Variants in SENP8 observed in about 807,000 individuals in gnomAD.
The protein encoded by SENP8 is SUMO peptidase family member, NEDD8 specific.
In SENP8, 10 loss-of-function variants were observed where a neutral mutation model predicts 14.4. The observed-to-expected ratio is 0.69, with a 90% CI of 0.43 to 1.18. The LOEUF (loss-of-function observed/expected upper bound fraction) is 1.18, where lower values mean the gene tolerates loss of function less well. SENP8 is among the 50% of genes most tolerant of loss of function. SENP8 has a pLI of 0.00. For missense variants in SENP8, 202 were observed against 249.4 expected, an observed-to-expected ratio of 0.81 and a Z score of 1.28; for synonymous variants, 94 against 95.5, an observed-to-expected ratio of 0.98 and a Z score of 0.09.
upstream of SENP8, chr15:72,116,839 C>T (rs532974901): frequency 5.9e-5 from 9 of 152,314 alleles, no homozygotes; most frequent in East Asian, 1.7e-3. Flanking sequence ...GAGGTGCAGG[C>T]TCTGTGACCT....
At chr15:72,131,800 G>C (rs967243091) in intron 1 of SENP8, among the ~76,000 whole-genome samples, 5 of 152,160 alleles carry the variant, frequency 3.3e-5, no homozygotes, top group African/African-American at 1.2e-4. Flanking sequence ...CAAAGATAAA[G>C]CACAAGAGCA....
chr15:72,136,229 G>GA (rs1399913570), intron 1 of SENP8, among the ~76,000 whole-genome samples: 1 of 152,138 alleles, frequency 6.6e-6, no homozygotes. Flanking sequence ...AATCTCTTGA[G>GA]AAAAAACTAT....
chr15:72,123,606 T>C (rs2081186974), intron 1 of SENP8, among the ~76,000 whole-genome samples: 1 of 151,778 alleles, frequency 6.6e-6, no homozygotes, highest in South Asian at 2.1e-4. Context: ...AGTGGCGTGC[T>C]CTTGGCTCAC....
rs2081393283 is a variant in SENP8, at chr15:72,143,570, T to C, written c.*3308T>C. On this transcript the variant is annotated 3_prime_UTR_variant, in exon 2 of 2. Coordinates refer to ENST00000340912, the MANE Select transcript of SENP8 (RefSeq NM_145204.4). ...GCATCATTATATATATTACCATATA[T>C]ATAAAGTAACTTGTACATTTTTGAG... is the stretch of plus-strand genomic sequence containing the variant. 6.6e-6 allele frequency: 1 copy of C among 152,198 alleles called. No homozygotes were observed. Among genetic ancestry groups the C allele is most frequent in the African/African-American group, 2.4e-5 (1 of 41,440 alleles). 9.4% of individuals were successfully genotyped at this position (152,198 alleles called of 1,614,324 possible).
At chr15:72,138,968 A>G (rs1372443549) in intron 1 of SENP8, among the ~76,000 whole-genome samples, 2 of 151,162 alleles carry the variant, frequency 1.3e-5, no homozygotes, top group Non-Finnish European at 3.0e-5. Context: ...CCATCTCAAA[A>G]AAAAAAAAAA....
At chr15:72,117,528 C>T (rs2081038399), upstream of SENP8, among the ~76,000 whole-genome samples, 1 of 152,122 alleles carries the variant, frequency 6.6e-6, no homozygotes, top group Non-Finnish European at 1.5e-5. Context: ...GATCCGGGGC[C>T]GTGATCTGGT....
intron 1 of SENP8, among the ~76,000 whole-genome samples, chr15:72,129,320 A>G (rs2081248906): frequency 6.6e-6 from 1 of 152,030 alleles, no homozygotes; most frequent in Admixed American, 6.6e-5. Flanking sequence ...ACTGGAGCCA[A>G]GGAGTTCAAG....
chr15:72,141,537 TC>T lies in SENP8; in HGVS notation c.*1279del. 6.6e-6 allele frequency: 1 copy of T among 152,044 alleles called. No homozygotes were observed. 9.4% of individuals were successfully genotyped at this position (152,044 alleles called of 1,614,324 possible). A position where few individuals can be genotyped will look rare whatever the true frequency, so the allele number is the denominator to read the frequency against. On this transcript the variant is annotated 3_prime_UTR_variant, in exon 2 of 2. Transcript: ENST00000340912. ...AGCCATGAAACTTATTTCAGCTACC[TC>T]CCCAGCCTAACCCTGCCCCCAGCCC...
chr15:72,117,599 G>A (rs1410345964), upstream of SENP8: 12 of 389,282 alleles, frequency 3.1e-5, no homozygotes, highest in South Asian at 1.4e-4. Flanking sequence ...GGGCGGGGCG[G>A]CCCGACCGGA....
chr15:72,130,406 T>TAGAGGTCA (rs1284132832), intron 1 of SENP8, among the ~76,000 whole-genome samples: 2 of 152,158 alleles, frequency 1.3e-5, no homozygotes, highest in African/African-American at 2.4e-5. Flanking sequence ...ACTCTGTCCT[T>TAGAGGTCA]AGAGGTCAAA....
At chr15:72,132,356 A>C (rs868324334) in intron 1 of SENP8, among the ~76,000 whole-genome samples, 1 of 152,204 alleles carries the variant, frequency 6.6e-6, no homozygotes, top group South Asian at 2.1e-4. Context: ...ATAAAACCAA[A>C]GAATAAGGAT....
chr15:72,140,522 C>A lies in SENP8; in HGVS notation c.*260C>A. 2.2e-6 allele frequency: 1 copy of A among 462,704 alleles called. No homozygotes were observed. The highest frequency in any genetic ancestry group is 3.1e-5 in the South Asian group (1 of 31,856). The allele number at this position is 462,704 out of a possible 1,614,324, so 28.7% of individuals were successfully genotyped here. On this transcript the variant is annotated 3_prime_UTR_variant, in exon 2 of 2. Transcript: ENST00000340912. ...AACCAACTTATTTGAACATTTATTA[C>A]ACACAGGGTTTACGTAAGACTTTTC...
At chr15:72,138,818 A>G (rs1018731584) in intron 1 of SENP8, among the ~76,000 whole-genome samples, 2 of 151,654 alleles carry the variant, frequency 1.3e-5, no homozygotes, top group Admixed American at 6.6e-5. Flanking sequence ...AAAAAAAATT[A>G]GCCGGGCATG....
At chr15:72,134,908 G>T in intron 1 of SENP8, 1 of 292,306 alleles carries the variant, frequency 3.4e-6, no homozygotes, top group East Asian at 9.9e-5. Flanking sequence ...GAATTAACGT[G>T]CATATTGAGT....
chr15:72,122,215 T>C (rs985176212), intron 1 of SENP8, among the ~76,000 whole-genome samples: 4 of 149,838 alleles, frequency 2.7e-5, no homozygotes, highest in Non-Finnish European at 5.9e-5. Flanking sequence ...TACCGGACTA[T>C]AAAAACTTAC....
chr15:72,124,390 T>G (rs1411911095), intron 1 of SENP8, among the ~76,000 whole-genome samples: 1 of 152,180 alleles, frequency 6.6e-6, no homozygotes, highest in African/African-American at 2.4e-5. Flanking sequence ...TGGCTTAGGC[T>G]TAGTTTTAAA....
In SENP8 at chr15:72,139,620, C is replaced by A; in HGVS notation, c.-4C>A. 6.2e-7 allele frequency: 1 copy of A among 1,611,872 alleles called. No individual in the cohort carries two copies. Reference sequence around the variant, plus strand: ...AATTTCTGAGCAGCCCTCGTCAGTACAAGATGGACCCCGTAGTCTTGAGTT... The same window carrying A: ...AATTTCTGAGCAGCCCTCGTCAGTAAAAGATGGACCCCGTAGTCTTGAGTT... On this transcript the variant is annotated 5_prime_UTR_variant, in exon 2 of 2. Coordinates refer to ENST00000340912, the MANE Select transcript of SENP8 (RefSeq NM_145204.4).
chr15:72,114,909 T>C (rs1337429963), upstream of SENP8, among the ~76,000 whole-genome samples: 1 of 152,240 alleles, frequency 6.6e-6, no homozygotes. Flanking sequence ...TTTTCAAACC[T>C]CCTACATTTC....
At chr15:72,136,551 C>T (rs1299500369) in intron 1 of SENP8, among the ~76,000 whole-genome samples, 1 of 152,104 alleles carries the variant, frequency 6.6e-6, no homozygotes, top group East Asian at 1.9e-4. Context: ...ACTGTGTCTA[C>T]ATAAAACCAT....
Sources: gnomAD v4.1 joint callset for allele counts (sites outside exome capture counted in the v4.1 genomes callset) on GRCh38, gnomAD v4.1.1 for gene constraint, MANE v1.5 for transcripts, NCBI Gene and HGNC (gene_info 2026-07-23, HGNC 2026-07-21) for gene names.